ADGRL3: variants seen among roughly 807,000 people sequenced by gnomAD.
ADGRL3 encodes calcium-independent alpha-latrotoxin receptor 3.
A neutral mutation model predicts 153.5 loss-of-function variants in ADGRL3; 62 were observed. The ratio of observed to expected loss-of-function variants is 0.40; its 90% CI spans 0.33 to 0.50. The LOEUF is 0.50. Ranked by LOEUF, ADGRL3 falls within the 20% of genes least tolerant of loss-of-function variation. The probability of loss-of-function intolerance (pLI) is 0.47; values close to 1 mark genes in which losing one functional copy is unlikely to be tolerated. For synonymous variants in ADGRL3, 710 were observed against 672.5 expected (o/e 1.06, Z -0.86); for missense variants, 1,641 against 1,859.4 (o/e 0.88, Z 2.16).
intron 1 of ADGRL3, among the ~76,000 whole-genome samples, chr4:61,240,652 A>T (rs1640336194): frequency 6.6e-6 from 1 of 152,102 alleles, no homozygotes; most frequent in Non-Finnish European, 1.5e-5. Flanking sequence ...ATTTTAAGAA[A>T]GTTCAATGGG....
At chr4:61,754,653 T>C (rs1336915750) in intron 8 of ADGRL3, among the ~76,000 whole-genome samples, 1 of 152,026 alleles carries the variant, frequency 6.6e-6, no homozygotes, top group Non-Finnish European at 1.5e-5. Context: ...AGTTCTAGGG[T>C]ACATGTGCAC....
At chr4:61,700,360 A>C (rs545922271) in intron 6 of ADGRL3, among the ~76,000 whole-genome samples, 9 of 152,310 alleles carry the variant, frequency 5.9e-5, no homozygotes, top group Non-Finnish European at 2.9e-5. Flanking sequence ...TACATTAGGA[A>C]ATAGTGGAAA....
Position 62,070,722 on chromosome 4 carries a change from T to TGATGCC in ADGRL3, c.4449_4454dup (p.Asp1483_Ala1484dup). 6.4e-7 allele frequency: 1 copy of TGATGCC among 1,551,458 alleles called. No individual in the cohort carries two copies. The highest frequency in any genetic ancestry group is 1.2e-5 in the South Asian group (1 of 84,042). On this transcript the variant is annotated inframe_insertion, in exon 27 of 27. Coordinates refer to ENST00000683033, the MANE Select transcript of ADGRL3 (RefSeq NM_001387552.1). ...CCGAACCCCCACCGGCCAAATGTGG[T>TGATGCC]GATGCCGAAGATGTTTACTACAAAA...
rs1409087367 is a variant in ADGRL3 at position 61,732,834 on chromosome 4, T to G, written c.679T>G (p.Cys227Gly). Residue 227 changes from cysteine (C) to glycine (G), a missense_variant, in exon 8 of 27, where the codon TGC becomes GGC. Physicochemically the swap from Cys to Gly is radical, Grantham distance 159. Around this residue, in one of 5 missense-constraint regions of ADGRL3, gnomAD observed 213 missense variants for 362.1 expected, o/e 0.59. Coordinates refer to ENST00000683033, the MANE Select transcript of ADGRL3 (RefSeq NM_001387552.1). ...GTCCGACCACCAATCTGGGGCGTGG[T>G]GCAAAGACCCTCTGCAGGCATCTGA... ...FESDHQSGAWCKDPLQASDKI... is the reference protein window; with the variant it reads ...FESDHQSGAWGKDPLQASDKI... 6.2e-7 allele frequency: 1 copy of G among 1,612,558 alleles called. No individual in the cohort carries two copies. The highest frequency in any genetic ancestry group is 8.5e-7 in the Non-Finnish European group (1 of 1,179,374).
At chr4:62,051,843 C>T (rs1734379583) in intron 25 of ADGRL3, among the ~76,000 whole-genome samples, 1 of 151,644 alleles carries the variant, frequency 6.6e-6, no homozygotes, top group South Asian at 2.1e-4. Context: ...TAGAATATTT[C>T]CACTTAGCTC....
intron 1 of ADGRL3, among the ~76,000 whole-genome samples, chr4:61,354,088 C>T (rs919219588): frequency 2.4e-4 from 37 of 152,156 alleles, no homozygotes; most frequent in Middle Eastern, 3.4e-3. Flanking sequence ...TACTATGTTC[C>T]GTGTATTACC....
intron 2 of ADGRL3, among the ~76,000 whole-genome samples, chr4:61,418,042 T>C (rs559159929): frequency 6.6e-6 from 1 of 152,276 alleles, no homozygotes; most frequent in African/African-American, 2.4e-5. Context: ...TTTTCTACTG[T>C]CCTTACATGT....
intron 6 of ADGRL3, among the ~76,000 whole-genome samples, chr4:61,699,341 C>A (rs1278905010): frequency 6.6e-6 from 1 of 152,026 alleles, no homozygotes; most frequent in Non-Finnish European, 1.5e-5. Flanking sequence ...TATTTCTTAG[C>A]AATTATAATA....
intron 1 of ADGRL3, among the ~76,000 whole-genome samples, chr4:61,278,338 A>C (rs544872289): frequency 8.5e-5 from 13 of 152,276 alleles, no homozygotes; most frequent in African/African-American, 3.1e-4. Context: ...TGGAGTTTTG[A>C]GCAAAAATAA....
chr4:61,428,819 T>C lies in ADGRL3; in HGVS notation c.-174+45630T>C, dbSNP rs1425200115. ...TCATATATCTCACATGTTCTGGATA[T>C]CTAGCTATCATTTATCTATCTATCT... On this transcript the variant is annotated intron_variant, in intron 2 of 26. Coordinates refer to ENST00000683033, the MANE Select transcript of ADGRL3 (RefSeq NM_001387552.1). Among the ~76,000 whole-genome samples the C allele has an allele frequency of 2.0e-5, 3 of 150,360 alleles. No individual in the cohort carries two copies. The South Asian group carries it at 6.3e-4, about 32-fold the overall frequency.
chr4:61,542,077 A>G (rs577781469), intron 4 of ADGRL3, among the ~76,000 whole-genome samples: 17 of 152,248 alleles, frequency 1.1e-4, no homozygotes, highest in African/African-American at 3.1e-4. Context: ...TAAGTTAACT[A>G]TATAGATTTT....
chr4:61,818,871 A>G (rs1027361718), intron 9 of ADGRL3, among the ~76,000 whole-genome samples: 11 of 152,122 alleles, frequency 7.2e-5, no homozygotes, highest in African/African-American at 2.4e-4. Context: ...CTGCCCTGCA[A>G]TTTTCAAAAT....
intron 5 of ADGRL3, among the ~76,000 whole-genome samples, chr4:61,654,417 G>T (rs2150442993): frequency 6.6e-6 from 1 of 151,926 alleles, no homozygotes; most frequent in East Asian, 1.9e-4. Flanking sequence ...GTAATTTTAA[G>T]CATTTCCAGA....
chr4:61,784,041 T>C (rs57569125), intron 8 of ADGRL3, among the ~76,000 whole-genome samples: 9,704 of 152,138 alleles, frequency 0.064, 872 homozygotes, highest in African/African-American at 0.2. Context: ...TAAAGTAATA[T>C]GTTTATTAAT....
In ADGRL3 at chr4:61,689,260, CTCT is replaced by C. The variant is rs1221846229; in HGVS notation, c.583+12330_583+12332del. ...CTCCTCATATATAACAAGCCTCTCCCTCTTCTTAAGGAGTTACCCATGTCCATA... is the reference window on the plus strand; with the variant it reads ...CTCCTCATATATAACAAGCCTCTCCCTCTTAAGGAGTTACCCATGTCCATA... On this transcript the variant is annotated intron_variant, in intron 6 of 26. Coordinates refer to ENST00000683033, the MANE Select transcript of ADGRL3 (RefSeq NM_001387552.1). Among the ~76,000 whole-genome samples, 7 of 152,246 alleles carry C rather than the reference CTCT, an allele frequency of 4.6e-5. No individual in the cohort carries two copies. In the East Asian group the frequency reaches 1.4e-3, roughly 29 times the overall value.
chr4:61,698,453 C>A (rs1179098794), intron 6 of ADGRL3, among the ~76,000 whole-genome samples: 2 of 151,468 alleles, frequency 1.3e-5, no homozygotes, highest in African/African-American at 2.4e-5. Context: ...CCATCTCAAA[C>A]AAACAACAAC....
intron 4 of ADGRL3, among the ~76,000 whole-genome samples, chr4:61,518,824 T>C (rs1038610888): frequency 1.3e-5 from 2 of 152,218 alleles, no homozygotes; most frequent in Non-Finnish European, 2.9e-5. Flanking sequence ...CAATGGATAG[T>C]AAACATTCTT....
intron 4 of ADGRL3, among the ~76,000 whole-genome samples, chr4:61,535,091 A>G (rs2098646962): frequency 9.9e-6 from 1 of 101,504 alleles, no homozygotes; most frequent in Non-Finnish European, 2.0e-5. Flanking sequence ...TATGGCTCAT[A>G]TTATATTGAG....
chr4:61,755,780 T>C (rs542198904), intron 8 of ADGRL3, among the ~76,000 whole-genome samples: 2 of 152,220 alleles, frequency 1.3e-5, no homozygotes, highest in Non-Finnish European at 2.9e-5. Context: ...TTAATCCATC[T>C]TGAATTAATT....
Sources: gnomAD v4.1 joint callset for allele counts (sites outside exome capture counted in the v4.1 genomes callset) on GRCh38, gnomAD v4.1.1 for gene constraint, gnomAD v4.1.1 regional missense constraint, MANE v1.5 for transcripts, NCBI Gene and HGNC (gene_info 2026-07-23, HGNC 2026-07-21) for gene names.